NET1: variants seen among roughly 807,000 people sequenced by gnomAD.
The protein encoded by NET1 is neuroepithelial cell-transforming gene 1 protein.
NET1 carries 42 observed loss-of-function variants against 61.1 expected under a neutral mutation model. The ratio of observed to expected loss-of-function variants is 0.69; its 90% confidence interval spans 0.54 to 0.89. The LOEUF (loss-of-function observed/expected upper bound fraction) is 0.89. Ranked by LOEUF, NET1 falls within the 40% of genes least tolerant of loss-of-function variation. The pLI is 0.00. For synonymous variants in NET1, 254 were observed against 281.8 expected (o/e 0.90, Z 0.99); for missense variants, 654 against 747.3 (o/e 0.88, Z 1.46).
rs1245186016 is a variant in NET1 at position 5,423,245 on chromosome 10, A to G, written c.129-3410A>G. 6.6e-6 allele frequency among the ~76,000 whole-genome samples: 1 copy of G among 152,162 alleles called. No homozygotes were observed. Among genetic ancestry groups the G allele is most frequent in the Admixed American group, 6.5e-5 (1 of 15,278 alleles). On this transcript the variant is annotated intron_variant, in intron 1 of 11. Transcript: ENST00000355029. The surrounding 1 kb of genome is among the most constrained non-coding windows in gnomAD (Gnocchi z 4.4). Reference sequence around the variant, plus strand: ...TTCCTGTTGGTAATAGTAATTTTCAATACGTTTTTTGAAAATATTTATAAT... The same window carrying G: ...TTCCTGTTGGTAATAGTAATTTTCAGTACGTTTTTTGAAAATATTTATAAT...
Position 5,454,185 on chromosome 10 carries a change from T to C in NET1, c.769-80T>C. ...AACTCTCAAGAATAGCTGTACATTT[T>C]GTGTTTCATGTTTGCAGGCTTGTTA... On this transcript the variant is annotated intron_variant, in intron 8 of 11. Coordinates refer to ENST00000355029, the MANE Select transcript of NET1 (RefSeq NM_001047160.3). The surrounding 1 kb of genome is among the most constrained non-coding windows in gnomAD (Gnocchi z 8.1). The C allele has an allele frequency of 7.2e-7, 1 of 1,398,194 alleles. No individual in the cohort carries two copies. The allele number at this position is 1,398,194 out of a possible 1,614,324, so 86.6% of individuals were successfully genotyped here.
At position 5,441,888 on chromosome 10, in the gene NET1, T is replaced by C. The variant is rs7078942; in HGVS notation, c.256-9942T>C. ...CACTTTTCAATTAATACTTCCTTTT[T>C]AGTAAGATTTAAAATTTTATTTTTA... On this transcript the variant is annotated intron_variant, in intron 3 of 11. Coordinates refer to ENST00000355029, the MANE Select transcript of NET1 (RefSeq NM_001047160.3). This position sits in a 1 kb window ranked among gnomAD's most constrained non-coding sequence, Gnocchi z 4.6. Among the ~76,000 whole-genome samples the C allele has an allele frequency of 0.27, 41,053 of 152,138 alleles. 5,714 individuals are homozygous for C. Among genetic ancestry groups the C allele is most frequent in the Non-Finnish European group, 0.29 (19,414 of 67,984 alleles).
chr10:5,425,675 T>C (rs1373853404), intron 1 of NET1, among the ~76,000 whole-genome samples: 1 of 152,214 alleles, frequency 6.6e-6, no homozygotes, highest in African/African-American at 2.4e-5. Context: ...CCTTCTCTTT[T>C]TTCCATTATG....
At position 5,446,573 on chromosome 10, in the gene NET1, G is replaced by T; in HGVS notation, c.256-5257G>T. 8.5e-7 allele frequency: 1 copy of T among 1,174,694 alleles called. No homozygotes were observed. The highest frequency in any genetic ancestry group is 1.1e-6 in the Non-Finnish European group (1 of 951,516). 72.8% of individuals were successfully genotyped at this position (1,174,694 alleles called of 1,614,324 possible). Reference sequence around the variant, plus strand: ...CCCGGTTGGCTGTGGCCCCGCCCCCGAGCCCTGGGGTCGGTGCTTGCTGCC... The same window carrying T: ...CCCGGTTGGCTGTGGCCCCGCCCCCTAGCCCTGGGGTCGGTGCTTGCTGCC... On this transcript the variant is annotated intron_variant, in intron 3 of 11. Transcript: ENST00000355029. The surrounding 1 kb of genome is among the most constrained non-coding windows in gnomAD (Gnocchi z 5.0).
rs1274653455 is a variant in NET1, at chr10:5,424,606, A to G, written c.129-2049A>G. Among the ~76,000 whole-genome samples the G allele has an allele frequency of 1.3e-5, 2 of 152,202 alleles. No homozygotes were observed. Among genetic ancestry groups the G allele is most frequent in the Non-Finnish European group, 1.5e-5 (1 of 68,032 alleles). On this transcript the variant is annotated intron_variant, in intron 1 of 11. Transcript: ENST00000355029. The surrounding 1 kb of genome is among the most constrained non-coding windows in gnomAD (Gnocchi z 6.1). ...TCAGCTTCTTAGATTGTTTTGCGCCACTAAAGAGGCCGTCAAAAATAGTTT... is the reference window on the plus strand; with the variant it reads ...TCAGCTTCTTAGATTGTTTTGCGCCGCTAAAGAGGCCGTCAAAAATAGTTT...
At position 5,441,566 on chromosome 10, in the gene NET1, G is replaced by T. The variant is rs907053373; in HGVS notation, c.256-10264G>T. 1.8e-4 allele frequency among the ~76,000 whole-genome samples: 27 copies of T among 152,346 alleles called. No homozygotes were observed. The highest frequency in any genetic ancestry group is 1.6e-4 in the Non-Finnish European group (11 of 68,032). ...CTGAGATAAAAAGTCACCACTAACAGTGCTGATACCCCATTTGATTGGCTA... is the reference window on the plus strand; with the variant it reads ...CTGAGATAAAAAGTCACCACTAACATTGCTGATACCCCATTTGATTGGCTA... On this transcript the variant is annotated intron_variant, in intron 3 of 11. Coordinates refer to ENST00000355029, the MANE Select transcript of NET1 (RefSeq NM_001047160.3). The surrounding 1 kb of genome is among the most constrained non-coding windows in gnomAD (Gnocchi z 4.6).
chr10:5,436,051 T>C, intron 3 of NET1, among the ~76,000 whole-genome samples: 1 of 151,030 alleles, frequency 6.6e-6, no homozygotes, highest in Non-Finnish European at 1.5e-5. Flanking sequence ...TGATAGTTAG[T>C]GATTATAACA....
chr10:5,444,732 G>A lies in NET1; in HGVS notation c.256-7098G>A, dbSNP rs922866093. On this transcript the variant is annotated intron_variant, in intron 3 of 11. Transcript: ENST00000355029. This position sits in a 1 kb window ranked among gnomAD's most constrained non-coding sequence, Gnocchi z 5.3. ...TCATCTCATTCACTCCCATAGCTTC[G>A]ATTTTTATCTCTGTATCTGACTCTC... 9.2e-5 allele frequency among the ~76,000 whole-genome samples: 14 copies of A among 152,110 alleles called. No individual in the cohort carries two copies. Among genetic ancestry groups the A allele is most frequent in the East Asian group, 3.9e-4 (2 of 5,190 alleles).
In NET1 at chr10:5,457,903, G is replaced by C. The variant is rs1832833719; in HGVS notation, c.*909G>C. The stretch of plus-strand genomic sequence containing the variant: ...GAAAGAAAACCACTTCAAAGATTTT[G>C]TTGAAAGTTTTAGTGTTGTCTGAAA... On this transcript the variant is annotated 3_prime_UTR_variant, in exon 12 of 12. Coordinates refer to ENST00000355029, the MANE Select transcript of NET1 (RefSeq NM_001047160.3). This position sits in a 1 kb window ranked among gnomAD's most constrained non-coding sequence, Gnocchi z 5.4. 6.6e-6 allele frequency: 1 copy of C among 152,536 alleles called. No homozygotes were observed. Among genetic ancestry groups the C allele is most frequent in the East Asian group, 1.9e-4 (1 of 5,194 alleles). The allele number at this position is 152,536 out of a possible 1,614,324, so 9.4% of individuals were successfully genotyped here.
rs576131171 is a variant in NET1, at chr10:5,441,972, T to G, written c.256-9858T>G. Among the ~76,000 whole-genome samples the G allele has an allele frequency of 1.3e-5, 2 of 152,330 alleles. No homozygotes were observed. Among genetic ancestry groups the G allele is most frequent in the South Asian group, 4.1e-4 (2 of 4,826 alleles). ...GCTTGTAATCTTGAATTCTAGAGTT[T>G]TAAAATGGAATGTAGTTTTCTTATA... On this transcript the variant is annotated intron_variant, in intron 3 of 11. Transcript: ENST00000355029. This position sits in a 1 kb window ranked among gnomAD's most constrained non-coding sequence, Gnocchi z 4.6.
Position 5,417,484 on chromosome 10 carries a change from A to C in NET1, c.128+4664A>C, listed in dbSNP as rs780384703. ...CTTTATTTTCAGTTTAATAATTTCA[A>C]TTGTATAGGAATACATACAATTGAT... On this transcript the variant is annotated intron_variant, in intron 1 of 11. Transcript: ENST00000355029. The surrounding 1 kb of genome is among the most constrained non-coding windows in gnomAD (Gnocchi z 5.5). 2.6e-5 allele frequency among the ~76,000 whole-genome samples: 4 copies of C among 151,966 alleles called. No homozygotes were observed. The highest frequency in any genetic ancestry group is 4.4e-5 in the Non-Finnish European group (3 of 67,980).
chr10:5,442,297 T>C (rs927812928), intron 3 of NET1, among the ~76,000 whole-genome samples: 4 of 152,218 alleles, frequency 2.6e-5, no homozygotes, highest in African/African-American at 7.2e-5. Flanking sequence ...TTGCCTGTAG[T>C]ATGGCTTCCC....
chr10:5,457,325 A>G lies in NET1; in HGVS notation c.*331A>G, dbSNP rs1832822723. On this transcript the variant is annotated 3_prime_UTR_variant, in exon 12 of 12. Coordinates refer to ENST00000355029, the MANE Select transcript of NET1 (RefSeq NM_001047160.3). The surrounding 1 kb of genome is among the most constrained non-coding windows in gnomAD (Gnocchi z 5.4). ...TTCTAATACCAATTGTAATATTTAC[A>G]ATATTCACCAAAACTTAGAATTTTG... 1 of 169,516 alleles carries G rather than the reference A, an allele frequency of 5.9e-6. No individual in the cohort carries two copies. Among genetic ancestry groups the G allele is most frequent in the Non-Finnish European group, 1.3e-5 (1 of 79,614 alleles). 10.5% of individuals were successfully genotyped at this position (169,516 alleles called of 1,614,324 possible).
At position 5,437,853 on chromosome 10, in the gene NET1, G is replaced by T. The variant is rs908699278; in HGVS notation, c.255+8624G>T. ...CATTCCAGGATAGACGGTATGTCAG[G>T]CTGCAAAACAAGTCTTAATACATTT... On this transcript the variant is annotated intron_variant, in intron 3 of 11. Transcript: ENST00000355029. This position sits in a 1 kb window ranked among gnomAD's most constrained non-coding sequence, Gnocchi z 4.3. 6.6e-6 allele frequency among the ~76,000 whole-genome samples: 1 copy of T among 152,082 alleles called. No individual in the cohort carries two copies.
At position 5,456,379 on chromosome 10, in the gene NET1, T is replaced by C; in HGVS notation, c.1384+106T>C. On this transcript the variant is annotated intron_variant, in intron 11 of 11. Coordinates refer to ENST00000355029, the MANE Select transcript of NET1 (RefSeq NM_001047160.3). The surrounding 1 kb of genome is among the most constrained non-coding windows in gnomAD (Gnocchi z 7.0). ...GAGATGAAATGGCTCCATTGTCCTA[T>C]ACTTGTTACATCCATTGAGTTGTCC... The C allele has an allele frequency of 8.5e-7, 1 of 1,182,098 alleles. No individual in the cohort carries two copies. The allele number at this position is 1,182,098 out of a possible 1,614,324, so 73.2% of individuals were successfully genotyped here. A position where few individuals can be genotyped will look rare whatever the true frequency, so the allele number is the denominator to read the frequency against.
At position 5,449,868 on chromosome 10, in the gene NET1, T is replaced by G. The variant is rs74781874; in HGVS notation, c.256-1962T>G. Among the ~76,000 whole-genome samples the G allele has an allele frequency of 2.3e-4, 35 of 152,370 alleles. No individual in the cohort carries two copies. In the East Asian group the frequency reaches 4.2e-3, roughly 18 times the overall value. On this transcript the variant is annotated intron_variant, in intron 3 of 11. Transcript: ENST00000355029. This position sits in a 1 kb window ranked among gnomAD's most constrained non-coding sequence, Gnocchi z 4.4. ...ATTTTCTGGGAAGTCAAATTTGTTATGCATGAAACAAGGAAGAGGAGTTAA... is the reference window on the plus strand; with the variant it reads ...ATTTTCTGGGAAGTCAAATTTGTTAGGCATGAAACAAGGAAGAGGAGTTAA...
At position 5,421,297 on chromosome 10, in the gene NET1, A is replaced by G. The variant is rs1057381296; in HGVS notation, c.129-5358A>G. On this transcript the variant is annotated intron_variant, in intron 1 of 11. Transcript: ENST00000355029. This position sits in a 1 kb window ranked among gnomAD's most constrained non-coding sequence, Gnocchi z 4.2. ...CTTAGGGAAAGCCATAGAACTTTAC[A>G]TATCACCCATATGGCAGAAATATAA... Among the ~76,000 whole-genome samples, 6 of 152,224 alleles carry G rather than the reference A, an allele frequency of 3.9e-5. No individual in the cohort carries two copies. Among genetic ancestry groups the G allele is most frequent in the African/African-American group, 1.4e-4 (6 of 41,448 alleles).
At chr10:5,445,223 G>A (rs745446338) in intron 3 of NET1, among the ~76,000 whole-genome samples, 33 of 152,208 alleles carry the variant, frequency 2.2e-4, no homozygotes, top group South Asian at 1.7e-3. Context: ...ATTTTCTCTT[G>A]TTCAAATCTA....
Position 5,412,834 on chromosome 10 carries a change from A to T in NET1, c.128+14A>T, listed in dbSNP as rs1018644449. 2.3e-5 allele frequency: 25 copies of T among 1,096,756 alleles called. No homozygotes were observed. In the Admixed American group the frequency reaches 9.1e-4, roughly 40 times the overall value. 67.9% of individuals were successfully genotyped at this position (1,096,756 alleles called of 1,614,324 possible). A position where few individuals can be genotyped will look rare whatever the true frequency, so the allele number is the denominator to read the frequency against. The stretch of plus-strand genomic sequence containing the variant: ...GCTGGACGGGAGGTGAGTGTGGGGG[A>T]GGGGAGGGCCGAACGGGAGGTGAGT... On this transcript the variant is annotated intron_variant, in intron 1 of 11. Coordinates refer to ENST00000355029, the MANE Select transcript of NET1 (RefSeq NM_001047160.3). This position sits in a 1 kb window ranked among gnomAD's most constrained non-coding sequence, Gnocchi z 6.5.
Sources: allele counts gnomAD v4.1 joint callset (sites outside exome capture counted in the v4.1 genomes callset), GRCh38; gene constraint gnomAD v4.1.1; non-coding constraint Gnocchi (gnomAD v3.1); transcripts MANE v1.5; gene names NCBI Gene and HGNC (gene_info 2026-07-23, HGNC 2026-07-21).